TENM3: variants seen among roughly 807,000 people sequenced by gnomAD.
TENM3 encodes the protein teneurin-3.
A neutral mutation model predicts 255.1 loss-of-function variants in TENM3; 63 were observed. That is an observed-to-expected ratio of 0.25 (90% confidence interval 0.20 to 0.30). TENM3 has a LOEUF of 0.30. Ranked by LOEUF, TENM3 falls within the 10% of genes least tolerant of loss-of-function variation. TENM3 has a pLI of 1.00. For synonymous variants in TENM3, 1,306 were observed against 1,322.3 expected, an observed-to-expected ratio of 0.99 and a Z score of 0.27; for missense variants, 2,929 against 3,461.1, an observed-to-expected ratio of 0.85 and a Z score of 3.86.
chr4:181,595,587 A>T, the TENM3 span, among the ~76,000 whole-genome samples: 4 of 152,162 alleles, frequency 2.6e-5, no homozygotes, highest in East Asian at 7.8e-4. Flanking sequence ...GGCATAATGA[A>T]CCAAAAATGG....
chr4:181,546,153 G>T, the TENM3 span, among the ~76,000 whole-genome samples: 2 of 152,186 alleles, frequency 1.3e-5, no homozygotes, highest in Admixed American at 1.3e-4. Context: ...TAGTGTGCGT[G>T]TGAGTGGCCT....
chr4:182,241,421 G>A (rs1757244813), upstream of TENM3, among the ~76,000 whole-genome samples: 1 of 151,724 alleles, frequency 6.6e-6, no homozygotes, highest in Admixed American at 6.6e-5. Flanking sequence ...GGCCCTGTGT[G>A]GCATTCCCCT....
At chr4:181,453,050 G>C in the TENM3 span, among the ~76,000 whole-genome samples, 1 of 152,204 alleles carries the variant, frequency 6.6e-6, no homozygotes, top group African/African-American at 2.4e-5. Flanking sequence ...TAAGTATTTA[G>C]AGTGCTGAAA....
chr4:182,029,341 G>T, the TENM3 span, among the ~76,000 whole-genome samples: 1 of 152,082 alleles, frequency 6.6e-6, no homozygotes. Context: ...TACCAGATTT[G>T]GGCAAGGACA....
intron 3 of TENM3, among the ~76,000 whole-genome samples, chr4:182,444,498 G>C (rs1483260298): frequency 6.6e-6 from 1 of 152,126 alleles, no homozygotes; most frequent in South Asian, 2.1e-4. Context: ...TAGAGGGACA[G>C]ACATATATTG....
At chr4:182,170,444 T>G (rs563095487) in intron 1 of TENM3, among the ~76,000 whole-genome samples, 1 of 152,258 alleles carries the variant, frequency 6.6e-6, no homozygotes, top group African/African-American at 2.4e-5. Flanking sequence ...TTTGTGAAAT[T>G]GACAAATTGG....
At chr4:182,386,050 A>G (rs942966660) in intron 3 of TENM3, among the ~76,000 whole-genome samples, 1 of 152,244 alleles carries the variant, frequency 6.6e-6, no homozygotes, top group Non-Finnish European at 1.5e-5. Context: ...ATAAGCAGCA[A>G]AATCTCACTG....
Position 182,730,201 on chromosome 4 carries a change from C to T in TENM3, c.2587C>T (p.Leu863Phe), listed in dbSNP as rs370431100. The change falls in exon 15 of 28, where the codon CTT becomes TTT. Residue 863 changes from leucine to phenylalanine, a missense_variant and splice_region_variant. Leu to Phe is a conservative substitution (Grantham distance 22). Coordinates refer to ENST00000511685, the MANE Select transcript of TENM3 (RefSeq NM_001080477.4). ...IPGESPFNKS[L>F]ASVIRGQVLT... ...CTCATTCTTCTGCTTTTCCAACAGC[C>T]TTGCATCTGTCATCAGAGGCCAAGT... 5 of 1,613,620 alleles carry T rather than the reference C, an allele frequency of 3.1e-6. No homozygotes were observed. The African/African-American group carries it at 4.0e-5, about 13-fold the overall frequency.
intron 3 of TENM3, among the ~76,000 whole-genome samples, chr4:182,370,958 T>C (rs115331348): frequency 1.9e-3 from 285 of 152,288 alleles, no homozygotes; most frequent in African/African-American, 6.7e-3. Flanking sequence ...TGCCTGTGTT[T>C]GTGTTTAATT....
the TENM3 span, among the ~76,000 whole-genome samples, chr4:181,990,968 A>G: frequency 3.3e-5 from 5 of 152,108 alleles, no homozygotes; most frequent in South Asian, 1.0e-3. Flanking sequence ...TGGTCAAAGC[A>G]CACATAAATT....
At chr4:181,655,890 C>T in the TENM3 span, among the ~76,000 whole-genome samples, 3 of 152,120 alleles carry the variant, frequency 2.0e-5, no homozygotes, top group African/African-American at 7.2e-5. Flanking sequence ...GAGTGTCCAC[C>T]CTTTAATAAC....
intron 1 of TENM3, among the ~76,000 whole-genome samples, chr4:182,264,561 G>T (rs1759109415): frequency 6.6e-6 from 1 of 152,210 alleles, no homozygotes; most frequent in South Asian, 2.1e-4. Flanking sequence ...ACTGTCCTGT[G>T]CTGTAGCTCA....
the TENM3 span, among the ~76,000 whole-genome samples, chr4:181,756,186 C>T: frequency 6.6e-6 from 1 of 152,090 alleles, no homozygotes; most frequent in Non-Finnish European, 1.5e-5. Flanking sequence ...TTCCCATATG[C>T]TTTGTCTAAT....
At chr4:182,004,210 C>T in the TENM3 span, among the ~76,000 whole-genome samples, 213 of 152,168 alleles carry the variant, frequency 1.4e-3, no homozygotes, top group Non-Finnish European at 4.1e-4. Flanking sequence ...TTTAATTTCC[C>T]TCGCCTCACC....
chr4:182,136,614 C>G, the TENM3 span, among the ~76,000 whole-genome samples: 1 of 152,146 alleles, frequency 6.6e-6, no homozygotes, highest in Non-Finnish European at 1.5e-5. Context: ...TTTAGTACTT[C>G]TTAGTAATTC....
At position 182,237,754 on chromosome 4, in the gene TENM3, A is replaced by G. The variant is rs74701358; in HGVS notation, c.-75-86192A>G. Among the ~76,000 whole-genome samples, 933 of 152,230 alleles carry G rather than the reference A, an allele frequency of 6.1e-3. 15 individuals are homozygous for G. Among genetic ancestry groups the G allele is most frequent in the African/African-American group, 0.022 (907 of 41,542 alleles). The stretch of plus-strand genomic sequence containing the variant: ...AACATGTTAACATTTCTTCCATAAA[A>G]CTCATGAATATTCAAACTTATGGAG... On this transcript the variant is annotated intron_variant, in intron 1 of 2. Transcript: ENST00000512480.
the TENM3 span, among the ~76,000 whole-genome samples, chr4:181,537,072 T>G: frequency 1.3e-5 from 2 of 152,142 alleles, no homozygotes; most frequent in African/African-American, 4.8e-5. Flanking sequence ...TATGTTTATA[T>G]TTGTCTTTCC....
At chr4:181,991,250 TTC>T in the TENM3 span, among the ~76,000 whole-genome samples, 1 of 152,146 alleles carries the variant, frequency 6.6e-6, no homozygotes, top group Non-Finnish European at 1.5e-5. Context: ...ATATTTCCCG[TTC>T]TGTTTTTCAG....
the TENM3 span, among the ~76,000 whole-genome samples, chr4:181,788,019 T>G: frequency 1.3e-3 from 194 of 152,244 alleles, 1 homozygote; most frequent in African/African-American, 4.6e-3. Flanking sequence ...CAAACTGTAA[T>G]CCAGCCACTT....
Sources: allele counts gnomAD v4.1 joint callset (sites outside exome capture counted in the v4.1 genomes callset), GRCh38; gene constraint gnomAD v4.1.1; transcripts MANE v1.5; gene names NCBI Gene and HGNC (gene_info 2026-07-23, HGNC 2026-07-21).